WDR35: variants seen among roughly 807,000 people sequenced by gnomAD.
WDR35 encodes WD repeat domain 35, also known as WD repeat-containing protein 35.
In WDR35, 118 loss-of-function variants were observed where a neutral mutation model predicts 158.3. The ratio of observed to expected loss-of-function variants is 0.75; its 90% CI spans 0.64 to 0.87. The LOEUF is 0.87. Ranked by LOEUF, WDR35 falls within the 40% of genes least tolerant of loss-of-function variation. The pLI is 0.00. For missense variants in WDR35, 1,263 were observed against 1,405.8 expected (o/e 0.90, Z 1.62); for synonymous variants, 448 against 476.1 (o/e 0.94, Z 0.77).
intron 25 of WDR35, among the ~76,000 whole-genome samples, chr2:19,921,266 C>A (rs920898239): frequency 6.6e-6 from 1 of 152,140 alleles, no homozygotes; most frequent in Admixed American, 6.5e-5. Flanking sequence ...GCCCGCATAG[C>A]CAACACAATC....
At chr2:19,928,219 C>T (rs987070693) in intron 25 of WDR35, among the ~76,000 whole-genome samples, 5 of 152,244 alleles carry the variant, frequency 3.3e-5, no homozygotes, top group African/African-American at 1.2e-4. Flanking sequence ...GCAATCTGTG[C>T]CTTAAGGACA....
At position 19,938,272 on chromosome 2, in the gene WDR35, G is replaced by A. The variant is rs746421382; in HGVS notation, c.2056C>T (p.Arg686Ter). The A allele has an allele frequency of 6.2e-6, 10 of 1,613,800 alleles. No homozygotes were observed. Among genetic ancestry groups the A allele is most frequent in the Admixed American group, 3.3e-5 (2 of 59,932 alleles). The change falls in exon 18 of 27, where the codon CGA becomes TGA. Residue 686 changes from arginine (R) to a stop codon, truncating the protein, a stop_gained. Transcript: ENST00000281405. LOFTEE classifies it high-confidence loss of function. The stretch of plus-strand genomic sequence containing the variant: ...TTTGCTTTTTTTAAATACCAAAGTC[G>A]GGGGTGTGGATTGTCCTCTATGAAC... ...SQFIEDNPHP[R>*]LWRLLAEAAL...
chr2:19,913,659 C>T lies in WDR35; in HGVS notation c.3412G>A (p.Glu1138Lys), dbSNP rs978909925. The T allele has an allele frequency of 1.2e-5, 20 of 1,613,986 alleles. No individual in the cohort carries two copies. The highest frequency in any genetic ancestry group is 1.7e-5 in the Non-Finnish European group (20 of 1,179,982). ...ACACTGCACATCCAGAATTGATACT[C>T]AGTGATTGGGCTTCCTGTGGCAACG... is the stretch of plus-strand genomic sequence containing the variant. ...TCVATGSPIT[E>K]YQFWMCSVCK... Residue 1138 changes from glutamate (E) to lysine (K), a missense_variant, in exon 27 of 27, where the codon GAG (glutamate) becomes AAG (lysine). Glu to Lys is a moderately conservative substitution (Grantham distance 56, BLOSUM62 1). Transcript: ENST00000281405.
At chr2:19,978,199 C>G (rs917796889) in intron 5 of WDR35, among the ~76,000 whole-genome samples, 11 of 150,346 alleles carry the variant, frequency 7.3e-5, no homozygotes, top group African/African-American at 2.7e-4. Flanking sequence ...CACACAGACA[C>G]ACACACACAC....
At chr2:19,923,772 C>T (rs1033917653) in intron 25 of WDR35, among the ~76,000 whole-genome samples, 13 of 152,134 alleles carry the variant, frequency 8.5e-5, no homozygotes, top group Non-Finnish European at 1.3e-4. Flanking sequence ...GAATACACCC[C>T]CCAGAACAAC....
intron 2 of WDR35, among the ~76,000 whole-genome samples, chr2:19,986,881 T>C (rs1672581975): frequency 1.3e-5 from 2 of 152,234 alleles, no homozygotes; most frequent in Admixed American, 1.3e-4. Context: ...TGTATAAATG[T>C]ACACACTCTT....
chr2:19,967,900 C>T (rs534677297), intron 9 of WDR35, among the ~76,000 whole-genome samples: 1 of 152,256 alleles, frequency 6.6e-6, no homozygotes, highest in East Asian at 1.9e-4. Context: ...AAACATCATA[C>T]TTTATTTAGA....
At chr2:19,914,335 T>G in intron 25 of WDR35, 58 bp from the exon 26 acceptor site, 1 of 1,603,442 alleles carries the variant, frequency 6.2e-7, no homozygotes, top group Non-Finnish European at 8.5e-7. Flanking sequence ...ATCATGAACA[T>G]GCAAAAGAAG....
At position 19,948,211 on chromosome 2, in the gene WDR35, T is replaced by A; in HGVS notation, c.1477A>T (p.Arg493Trp). The A allele has an allele frequency of 6.2e-7, 1 of 1,610,444 alleles. No homozygotes were observed. Among genetic ancestry groups the A allele is most frequent in the Non-Finnish European group, 8.5e-7 (1 of 1,178,928 alleles). Residue 493 changes from arginine (R) to tryptophan (W), a missense_variant, in exon 14 of 27, where the codon AGG becomes TGG. By Grantham distance (101) the Arg-to-Trp change is moderately radical. Transcript: ENST00000281405. The stretch of plus-strand genomic sequence containing the variant: ...GCAGTTATGGCACAAATTGGATCCC[T>A]TGTGCCCTAAAATAAATTAATCAAT... ...LDYSKTIQGTRDPICAITASD... is the reference protein window; with the variant it reads ...LDYSKTIQGTWDPICAITASD...
In WDR35 at chr2:19,910,609, C is replaced by T. The variant is rs1050389519; in HGVS notation, c.*2949G>A. The T allele has an allele frequency of 6.6e-6, 1 of 152,190 alleles. No homozygotes were observed. The highest frequency in any genetic ancestry group is 1.9e-4 in the East Asian group (1 of 5,198). The allele number at this position is 152,190 out of a possible 1,614,324, so 9.4% of individuals were successfully genotyped here. A position where few individuals can be genotyped will look rare whatever the true frequency, so the allele number is the denominator to read the frequency against. On this transcript the variant is annotated 3_prime_UTR_variant, in exon 27 of 27. Transcript: ENST00000281405. Reference sequence around the variant, plus strand: ...GTTTTTTGCAAGGAGAACAACATAACTGTTTAATGATGCTGTCTTCAATAT... The same window carrying T: ...GTTTTTTGCAAGGAGAACAACATAATTGTTTAATGATGCTGTCTTCAATAT...
intron 10 of WDR35, 100 bp from the exon 11 acceptor site, chr2:19,960,714 C>T (rs1671621473): frequency 2.2e-6 from 2 of 902,372 alleles, no homozygotes; most frequent in Middle Eastern, 2.6e-4. Context: ...TCAAGTATTG[C>T]TAACTGGGAA....
At chr2:19,965,424 G>A (rs1280889390) in intron 10 of WDR35, among the ~76,000 whole-genome samples, 1 of 152,186 alleles carries the variant, frequency 6.6e-6, no homozygotes, top group Non-Finnish European at 1.5e-5. Context: ...TTACTGTAAG[G>A]TGATGGGCAG....
intron 9 of WDR35, among the ~76,000 whole-genome samples, chr2:19,968,063 G>T (rs988588882): frequency 1.3e-5 from 2 of 152,100 alleles, no homozygotes; most frequent in African/African-American, 2.4e-5. Context: ...AGGAGTACTG[G>T]TCAAGTATTT....
At chr2:19,930,637 T>C in intron 24 of WDR35, 85 bp from the exon 25 acceptor site, 1 of 1,571,488 alleles carries the variant, frequency 6.4e-7, no homozygotes, top group Non-Finnish European at 8.7e-7. Context: ...CATTAAAGTA[T>C]CTAAATGAGC....
intron 10 of WDR35, among the ~76,000 whole-genome samples, chr2:19,963,755 C>T (rs896276178): frequency 2.1e-5 from 3 of 140,030 alleles, no homozygotes; most frequent in Admixed American, 7.0e-5. Flanking sequence ...TATTTATTTA[C>T]TTACTTTGAG....
chr2:19,930,633 A>G, intron 24 of WDR35, 81 bp from the exon 25 acceptor site: 2 of 1,585,830 alleles, frequency 1.3e-6, no homozygotes, highest in South Asian at 2.2e-5. Flanking sequence ...CAGTCATTAA[A>G]GTATCTAAAT....
chr2:19,919,380 C>CA (rs1302042752), intron 25 of WDR35, among the ~76,000 whole-genome samples: 1,024 of 47,820 alleles, frequency 0.021, 21 homozygotes, highest in Middle Eastern at 0.044. Flanking sequence ...GGCTCCATCT[C>CA]AAAAAAAAAA....
At chr2:19,915,215 A>G (rs955838673) in intron 25 of WDR35, among the ~76,000 whole-genome samples, 3 of 152,172 alleles carry the variant, frequency 2.0e-5, no homozygotes, top group Admixed American at 6.5e-5. Context: ...AAAACTTCAT[A>G]AAACCAGTTT....
intron 22 of WDR35, among the ~76,000 whole-genome samples, chr2:19,932,659 TAAGA>T (rs1301117541): frequency 6.6e-6 from 1 of 152,166 alleles, no homozygotes; most frequent in Non-Finnish European, 1.5e-5. Flanking sequence ...CTGATTTGCT[TAAGA>T]AATACATGTG....
Sources: allele counts gnomAD v4.1 joint callset (sites outside exome capture counted in the v4.1 genomes callset), GRCh38; gene constraint gnomAD v4.1.1; transcripts MANE v1.5; gene names NCBI Gene and HGNC (gene_info 2026-07-23, HGNC 2026-07-21).